Variants in CFAP47 observed in about 807,000 individuals in gnomAD.
CFAP47 encodes the protein cilia- and flagella-associated protein 47.
A neutral mutation model predicts 148.1 loss-of-function variants in CFAP47; 29 were observed. The ratio of observed to expected loss-of-function variants is 0.20; its 90% CI spans 0.15 to 0.27. The LOEUF is 0.27. Ranked by LOEUF, CFAP47 falls within the 10% of genes least tolerant of loss-of-function variation. CFAP47 has a pLI of 1.00. For synonymous variants in CFAP47, 664 were observed against 577.3 expected (o/e 1.15, Z -2.15); for missense variants, 1,872 against 1,697.5 (o/e 1.10, Z -1.81).
chrX:36,256,458 T>G (rs782736420), intron 49 of CFAP47, among the ~76,000 whole-genome samples: 1 of 111,847 alleles, frequency 8.9e-6, no homozygotes, highest in Non-Finnish European at 1.9e-5. Flanking sequence ...GACTGTATCA[T>G]TTGGTATACC....
At chrX:36,103,134 T>C (rs192172357) in intron 32 of CFAP47, among the ~76,000 whole-genome samples, 2 of 111,211 alleles carry the variant, frequency 1.8e-5, no homozygotes, top group East Asian at 5.8e-4. Flanking sequence ...AGAGTACTTG[T>C]CTTAGGTTTG....
chrX:36,035,582 T>A (rs190332873), intron 23 of CFAP47, 113 bp from the exon 24 acceptor site: 1 of 280,898 alleles, frequency 3.6e-6, no homozygotes, highest in African/African-American at 2.8e-5. Flanking sequence ...TTATCTATGA[T>A]TAATCATTTG....
chrX:36,144,143 AG>A (rs1253133004), intron 35 of CFAP47, among the ~76,000 whole-genome samples: 14 of 112,249 alleles, frequency 1.2e-4, no homozygotes, highest in African/African-American at 4.2e-4. Flanking sequence ...GCATTCTATA[AG>A]GCCTATTTAA....
At chrX:36,178,577 A>G (rs1939714753) in intron 39 of CFAP47, among the ~76,000 whole-genome samples, 1 of 111,210 alleles carries the variant, frequency 9.0e-6, no homozygotes, top group Non-Finnish European at 1.9e-5. Flanking sequence ...CTGTTACATA[A>G]TAAAAGGGGT....
At chrX:36,239,619 T>C (rs1445370184) in intron 48 of CFAP47, among the ~76,000 whole-genome samples, 1 of 112,298 alleles carries the variant, frequency 8.9e-6, no homozygotes, top group Non-Finnish European at 1.9e-5. Context: ...CAAAAATATT[T>C]AGCAGCAATG....
intron 8 of CFAP47, among the ~76,000 whole-genome samples, chrX:35,960,714 C>T (rs1309430385): frequency 1.8e-5 from 2 of 111,481 alleles, no homozygotes; most frequent in Non-Finnish European, 3.8e-5. Flanking sequence ...TGCATATTGA[C>T]CTTGTATTCT....
chrX:35,931,345 T>G (rs1469649287), intron 2 of CFAP47, among the ~76,000 whole-genome samples: 2 of 111,244 alleles, frequency 1.8e-5, no homozygotes, highest in African/African-American at 6.5e-5. Flanking sequence ...TTTTGCACTT[T>G]TTTTTCTAAG....
At chrX:36,130,701 A>T (rs751134913) in intron 33 of CFAP47, among the ~76,000 whole-genome samples, 2 of 110,980 alleles carry the variant, frequency 1.8e-5, no homozygotes, top group Admixed American at 9.6e-5. Context: ...TTGAATAGAT[A>T]AAAAAAATGT....
At chrX:36,071,423 T>C (rs894170675) in intron 27 of CFAP47, among the ~76,000 whole-genome samples, 1 of 112,365 alleles carries the variant, frequency 8.9e-6, no homozygotes, top group Non-Finnish European at 1.9e-5. Context: ...TAGGAAGATA[T>C]TAGTTTTTCT....
At chrX:36,180,701 G>A (rs1939740471) in intron 40 of CFAP47, among the ~76,000 whole-genome samples, 1 of 112,042 alleles carries the variant, frequency 8.9e-6, no homozygotes, top group Non-Finnish European at 1.9e-5. Flanking sequence ...TCCTTCAATG[G>A]TTATTCTGTG....
chrX:36,041,601 G>T (rs1159912339), intron 25 of CFAP47, among the ~76,000 whole-genome samples: 1 of 111,335 alleles, frequency 9.0e-6, no homozygotes, highest in Non-Finnish European at 1.9e-5. Context: ...GGAAATGACA[G>T]TATAGAAAAG....
At chrX:35,944,582 C>T (rs932348835) in intron 3 of CFAP47, among the ~76,000 whole-genome samples, 1 of 111,322 alleles carries the variant, frequency 9.0e-6, no homozygotes, top group African/African-American at 3.3e-5. Flanking sequence ...TAAGAAATAG[C>T]AATAGCCTGG....
intron 62 of CFAP47, among the ~76,000 whole-genome samples, chrX:36,369,370 A>G (rs1359893540): frequency 9.0e-6 from 1 of 111,216 alleles, no homozygotes; most frequent in Non-Finnish European, 1.9e-5. Flanking sequence ...TCTAAAGTAT[A>G]GATTTTGATT....
intron 33 of CFAP47, among the ~76,000 whole-genome samples, chrX:36,107,048 T>G (rs1346786894): frequency 2.7e-5 from 3 of 111,727 alleles, no homozygotes. Context: ...AAAAGGTTGA[T>G]AGTGGGGGAG....
chrX:36,165,155 A>G (rs1262818019), intron 39 of CFAP47, among the ~76,000 whole-genome samples: 1 of 112,003 alleles, frequency 8.9e-6, no homozygotes, highest in Non-Finnish European at 1.9e-5. Flanking sequence ...ATAATTTTCT[A>G]TTGTATGTGT....
chrX:36,194,085 G>T (rs961298858), intron 42 of CFAP47, among the ~76,000 whole-genome samples: 2 of 111,564 alleles, frequency 1.8e-5, no homozygotes, highest in Non-Finnish European at 3.8e-5. Flanking sequence ...GTAGAATATA[G>T]AGAATGACTA....
At chrX:36,148,182 A>G (rs745425237) in intron 36 of CFAP47, among the ~76,000 whole-genome samples, 3 of 111,497 alleles carry the variant, frequency 2.7e-5, no homozygotes, top group Non-Finnish European at 5.6e-5. Context: ...GAGGAAACAT[A>G]TGGGTAAGGG....
intron 37 of CFAP47, among the ~76,000 whole-genome samples, chrX:36,155,862 C>G (rs1439456349): frequency 9.0e-6 from 1 of 111,145 alleles, no homozygotes; most frequent in East Asian, 2.8e-4. Flanking sequence ...AATATATCAA[C>G]ACTACTCGCA....
At chrX:36,281,664 AT>A (rs2146944840) in intron 50 of CFAP47, among the ~76,000 whole-genome samples, 1 of 112,727 alleles carries the variant, frequency 8.9e-6, no homozygotes, top group South Asian at 3.6e-4. Context: ...TGTTAATCAC[AT>A]TTCTAAAATA....
Sources: allele counts gnomAD v4.1 joint callset (sites outside exome capture counted in the v4.1 genomes callset), GRCh38; gene constraint gnomAD v4.1.1; transcripts MANE v1.5; gene names NCBI Gene and HGNC (gene_info 2026-07-23, HGNC 2026-07-21).